PLCB1: variants seen among roughly 807,000 people sequenced by gnomAD.
PLCB1 encodes 1-phosphatidylinositol 4,5-bisphosphate phosphodiesterase beta-1.
PLCB1 carries 46 observed loss-of-function variants against 161.8 expected under a neutral mutation model. The ratio of observed to expected loss-of-function variants is 0.28; its 90% CI spans 0.22 to 0.36. PLCB1 has a LOEUF of 0.36. Ranked by LOEUF, PLCB1 falls within the 10% of genes least tolerant of loss-of-function variation. The pLI is 1.00. For missense variants in PLCB1, 1,016 were observed against 1,472.5 expected (o/e 0.69, Z 5.07); for synonymous variants, 517 against 503.7 (o/e 1.03, Z -0.35).
rs75659827 is a variant in PLCB1 at position 8,299,906 on chromosome 20, G to A, written c.178-71476G>A. On this transcript the variant is annotated intron_variant, in intron 2 of 31. Coordinates refer to ENST00000338037, the MANE Select transcript of PLCB1 (RefSeq NM_015192.4). ...AACTTGGCTCACTGCTCCTCAGGGC[G>A]CAGCTATAATGTTGCCTTATGTATC... is the stretch of plus-strand genomic sequence containing the variant. Among the ~76,000 whole-genome samples the A allele has an allele frequency of 6.5e-3, 991 of 152,258 alleles. 12 individuals are homozygous for A. The highest frequency in any genetic ancestry group is 0.022 in the African/African-American group (898 of 41,554).
chr20:8,742,668 A>G (rs1348549414), intron 23 of PLCB1, among the ~76,000 whole-genome samples: 1 of 152,160 alleles, frequency 6.6e-6, no homozygotes, highest in Non-Finnish European at 1.5e-5. Context: ...AGTGAAAATA[A>G]AAGTATTAAG....
At chr20:8,152,439 A>G (rs1406213187) in intron 2 of PLCB1, among the ~76,000 whole-genome samples, 1 of 152,200 alleles carries the variant, frequency 6.6e-6, no homozygotes, top group Non-Finnish European at 1.5e-5. Context: ...GTGTGCTAGA[A>G]GAAATGGTGC....
At chr20:8,217,421 G>A (rs1395540606) in intron 2 of PLCB1, among the ~76,000 whole-genome samples, 6 of 152,072 alleles carry the variant, frequency 3.9e-5, no homozygotes, top group African/African-American at 7.2e-5. Context: ...ATGAGATGGA[G>A]TACCCCATCT....
chr20:8,132,347 GCGA>G lies in PLCB1; in HGVS notation c.-303_-301del. On this transcript the variant is annotated 5_prime_UTR_variant, in exon 1 of 32. Transcript: ENST00000338037. The surrounding 1 kb of genome is among the most constrained non-coding windows in gnomAD (Gnocchi z 5.2). ...CGGCGGCGGAGGAGCAGAATCCGCC[GCGA>G]CTGGCAGCCTCGGCTGACCGGCTCG... is the stretch of plus-strand genomic sequence containing the variant. 1 of 234,836 alleles carries G rather than the reference GCGA, an allele frequency of 4.3e-6. No homozygotes were observed. Among genetic ancestry groups the G allele is most frequent in the Middle Eastern group, 1.3e-3 (1 of 772 alleles). The allele number at this position is 234,836 out of a possible 1,614,324, so 14.5% of individuals were successfully genotyped here. A position where few individuals can be genotyped will look rare whatever the true frequency, so the allele number is the denominator to read the frequency against.
At chr20:8,612,833 C>T (rs556087718) in intron 3 of PLCB1, among the ~76,000 whole-genome samples, 2 of 152,264 alleles carry the variant, frequency 1.3e-5, no homozygotes, top group East Asian at 1.9e-4. Flanking sequence ...GAGCTGTACC[C>T]GCAAGAAGGA....
intron 3 of PLCB1, among the ~76,000 whole-genome samples, chr20:8,627,300 A>ATTTTTTTAAACATCTACTATTTAGAT (rs1988381662): frequency 9.9e-5 from 15 of 152,208 alleles, no homozygotes; most frequent in African/African-American, 2.9e-4. Flanking sequence ...AACATCTACT[A>ATTTTTTTAAACATCTACTATTTAGAT]TTTTTTTAAA....
intron 1 of PLCB1, among the ~76,000 whole-genome samples, chr20:8,141,415 G>A (rs6039045): frequency 0.23 from 34,712 of 151,974 alleles, 4,224 homozygotes; most frequent in East Asian, 0.35. Context: ...CTTGAGGTCA[G>A]GAGTTCAAGA....
intron 3 of PLCB1, among the ~76,000 whole-genome samples, chr20:8,417,069 A>T (rs866848971): frequency 2.3e-4 from 19 of 84,094 alleles, no homozygotes; most frequent in South Asian, 4.6e-4. Context: ...ATATATATAT[A>T]TATATTTTTT....
rs117301817 is a variant in PLCB1 at position 8,647,088 on chromosome 20, C to T, written c.465-812C>T. On this transcript the variant is annotated intron_variant, in intron 5 of 31. Coordinates refer to ENST00000338037, the MANE Select transcript of PLCB1 (RefSeq NM_015192.4). Reference sequence around the variant, plus strand: ...TCATTTAAGGGCTTTTTTATGGGATCGCCTCCTCTCCTGAGTTTGTTAACT... The same window carrying T: ...TCATTTAAGGGCTTTTTTATGGGATTGCCTCCTCTCCTGAGTTTGTTAACT... Among the ~76,000 whole-genome samples, 551 of 152,198 alleles carry T rather than the reference C, an allele frequency of 3.6e-3. 2 individuals are homozygous for T. Among genetic ancestry groups the T allele is most frequent in the Non-Finnish European group, 6.4e-3 (435 of 67,992 alleles).
At chr20:8,227,591 A>G (rs1979763950) in intron 2 of PLCB1, among the ~76,000 whole-genome samples, 1 of 152,204 alleles carries the variant, frequency 6.6e-6, no homozygotes, top group Admixed American at 6.5e-5. Flanking sequence ...CAAAGCTCCA[A>G]TTCTGTCTTC....
chr20:8,442,029 A>T (rs946590435), intron 3 of PLCB1, among the ~76,000 whole-genome samples: 1 of 152,218 alleles, frequency 6.6e-6, no homozygotes, highest in Non-Finnish European at 1.5e-5. Flanking sequence ...AATATGATTG[A>T]ATCTAGAATA....
chr20:8,493,390 A>G (rs549021678), intron 3 of PLCB1, among the ~76,000 whole-genome samples: 1 of 152,322 alleles, frequency 6.6e-6, no homozygotes, highest in African/African-American at 2.4e-5. Flanking sequence ...TTGTATAACA[A>G]ATTTAATTTT....
chr20:8,306,153 A>G (rs1984127202), intron 2 of PLCB1, among the ~76,000 whole-genome samples: 1 of 152,246 alleles, frequency 6.6e-6, no homozygotes, highest in Non-Finnish European at 1.5e-5. Context: ...TATTCTCATT[A>G]TAGAATGAAT....
chr20:8,365,370 G>A (rs1043155551), intron 2 of PLCB1, among the ~76,000 whole-genome samples: 1 of 152,054 alleles, frequency 6.6e-6, no homozygotes, highest in Non-Finnish European at 1.5e-5. Flanking sequence ...TCTCTGCCTT[G>A]GTTCTTATTG....
chr20:8,132,568 C>T lies in PLCB1; in HGVS notation c.-84C>T. On this transcript the variant is annotated 5_prime_UTR_variant, in exon 1 of 32. Transcript: ENST00000338037. This position sits in a 1 kb window ranked among gnomAD's most constrained non-coding sequence, Gnocchi z 5.2. ...GCGCCTCCGGAGCAGAGAAAGGAGC[C>T]CGCGCCCCGCGCCCCGCGCCCCGCG... 1.2e-6 allele frequency: 1 copy of T among 806,280 alleles called. No individual in the cohort carries two copies. Among genetic ancestry groups the T allele is most frequent in the Non-Finnish European group, 1.8e-6 (1 of 552,832 alleles). The allele number at this position is 806,280 out of a possible 1,614,324, so 49.9% of individuals were successfully genotyped here.
chr20:8,627,842 G>A (rs1487920126), intron 3 of PLCB1, among the ~76,000 whole-genome samples: 2 of 152,224 alleles, frequency 1.3e-5, no homozygotes, highest in African/African-American at 4.8e-5. Flanking sequence ...GACTGTTGGA[G>A]CAGGTCTACG....
At chr20:8,475,038 C>A (rs1266223216) in intron 3 of PLCB1, among the ~76,000 whole-genome samples, 1 of 151,474 alleles carries the variant, frequency 6.6e-6, no homozygotes, top group Non-Finnish European at 1.5e-5. Flanking sequence ...CACACAGACA[C>A]ACACACACAC....
chr20:8,717,267 G>C (rs978824588), intron 13 of PLCB1, among the ~76,000 whole-genome samples: 1 of 152,156 alleles, frequency 6.6e-6, no homozygotes, highest in African/African-American at 2.4e-5. Flanking sequence ...TCACCTGGAA[G>C]CTTCTGCCCG....
chr20:8,177,412 G>T (rs1351694146), intron 2 of PLCB1, among the ~76,000 whole-genome samples: 1 of 152,078 alleles, frequency 6.6e-6, no homozygotes, highest in African/African-American at 2.4e-5. Flanking sequence ...TCTAAGTACG[G>T]CATTTTGTTA....
Sources: gnomAD v4.1 joint callset for allele counts (sites outside exome capture counted in the v4.1 genomes callset) on GRCh38, gnomAD v4.1.1 for gene constraint, Gnocchi (gnomAD v3.1) non-coding constraint, MANE v1.5 for transcripts, NCBI Gene and HGNC (gene_info 2026-07-23, HGNC 2026-07-21) for gene names.